The following STOX2 variants were observed in gnomAD, a reference collection of about 807,000 sequenced individuals.
STOX2 encodes the protein storkhead box 2.
STOX2 carries 28 observed loss-of-function variants against 60.9 expected under a neutral mutation model. The observed-to-expected ratio is 0.46, with a 90% CI of 0.34 to 0.63. The LOEUF is 0.63. Among genes scored for constraint, STOX2 ranks in the 30% least tolerant of loss-of-function variants. STOX2 has a pLI of 0.01. For missense variants in STOX2, 1,024 were observed against 1,187.7 expected, an observed-to-expected ratio of 0.86 and a Z score of 2.03; for synonymous variants, 472 against 463.9, an observed-to-expected ratio of 1.02 and a Z score of -0.22.
At position 183,972,130 on chromosome 4, in the gene STOX2, C is replaced by T. The variant is rs139684566; in HGVS notation, c.167-29195C>T. 9.2e-5 allele frequency among the ~76,000 whole-genome samples: 14 copies of T among 152,310 alleles called. No individual in the cohort carries two copies. The East Asian group carries it at 2.7e-3, about 29-fold the overall frequency. On this transcript the variant is annotated intron_variant, in intron 1 of 3. Transcript: ENST00000308497. ...ACCCATAGCCAGTCCTGCACAGCGG[C>T]GTAGGGCTGGGCAGACATCCAAAAC...
chr4:183,843,882 AC>A (rs1739926543), intron 1 of STOX2, among the ~76,000 whole-genome samples: 2 of 152,048 alleles, frequency 1.3e-5, no homozygotes, highest in African/African-American at 4.8e-5. Flanking sequence ...TAGTTGACCC[AC>A]AGTTCTGTAC....
chr4:183,917,586 C>T lies in STOX2; in HGVS notation c.166+10630C>T, dbSNP rs532742976. 2.8e-4 allele frequency among the ~76,000 whole-genome samples: 43 copies of T among 152,342 alleles called. No individual in the cohort carries two copies. In the South Asian group the frequency reaches 8.5e-3, roughly 30 times the overall value. On this transcript the variant is annotated intron_variant, in intron 1 of 3. Transcript: ENST00000308497. Reference sequence around the variant, plus strand: ...GAAGTATTTGGACATATTTTCCCCACACTTGCAAACTGGCTGTTTATAATG... The same window carrying T: ...GAAGTATTTGGACATATTTTCCCCATACTTGCAAACTGGCTGTTTATAATG...
Position 183,906,903 on chromosome 4 carries a change from A to C in STOX2, c.113A>C (p.Lys38Thr), listed in dbSNP as rs1393808914. Residue 38 changes from lysine (K) to threonine (T), a missense_variant, in exon 1 of 4, where the codon AAG becomes ACG. Lys to Thr is a moderately conservative substitution (Grantham distance 78). Transcript: ENST00000308497. ...SRSEKDYRLHKRFPAAFAPQA... is the reference protein window; with the variant it reads ...SRSEKDYRLHTRFPAAFAPQA... Reference sequence around the variant, plus strand: ...AGCGAGAAGGACTACCGCCTGCACAAGCGTTTCCCCGCGGCCTTCGCGCCC... The same window carrying C: ...AGCGAGAAGGACTACCGCCTGCACACGCGTTTCCCCGCGGCCTTCGCGCCC... 1 of 1,550,276 alleles carries C rather than the reference A, an allele frequency of 6.5e-7. No individual in the cohort carries two copies. The highest frequency in any genetic ancestry group is 8.7e-7 in the Non-Finnish European group (1 of 1,146,178).
intron 1 of STOX2, among the ~76,000 whole-genome samples, chr4:183,872,971 T>C (rs1332220788): frequency 6.6e-6 from 1 of 152,204 alleles, no homozygotes; most frequent in Non-Finnish European, 1.5e-5. Context: ...GAAAGTCACG[T>C]TCTGAAACTT....
upstream of STOX2, among the ~76,000 whole-genome samples, chr4:183,903,481 T>C (rs148675613): frequency 3.6e-4 from 55 of 152,328 alleles, 1 homozygote; most frequent in East Asian, 9.8e-3. Flanking sequence ...TTTATTTGCC[T>C]ACTGTTTCTC....
At position 183,969,776 on chromosome 4, in the gene STOX2, C is replaced by T. The variant is rs145460565; in HGVS notation, c.167-31549C>T. Among the ~76,000 whole-genome samples, 658 of 152,250 alleles carry T rather than the reference C, an allele frequency of 4.3e-3. 3 individuals are homozygous for T. The highest frequency in any genetic ancestry group is 0.015 in the African/African-American group (623 of 41,538). ...CTGGGGCTCCAGGCACGCACCACCA[C>T]GCCTGGCTAATTTTTGAAAGTTTTC... On this transcript the variant is annotated intron_variant, in intron 1 of 3. Coordinates refer to ENST00000308497, the MANE Select transcript of STOX2 (RefSeq NM_020225.3).
rs1034227390 is a variant in STOX2, at chr4:183,825,551, G to T, written c.364+27496G>T. Reference sequence around the variant, plus strand: ...GTGCAGGCAGCCACCCTCGCTGTAGGTGTGTGTGTCCGTGCCTCTGTCCTG... The same window carrying T: ...GTGCAGGCAGCCACCCTCGCTGTAGTTGTGTGTGTCCGTGCCTCTGTCCTG... On this transcript the variant is annotated intron_variant, in intron 1 of 2. Coordinates refer to the STOX2 transcript ENST00000513034. The surrounding 1 kb of genome is among the most constrained non-coding windows in gnomAD (Gnocchi z 4.1). Among the ~76,000 whole-genome samples, 2 of 152,192 alleles carry T rather than the reference G, an allele frequency of 1.3e-5. No individual in the cohort carries two copies. The highest frequency in any genetic ancestry group is 2.9e-5 in the Non-Finnish European group (2 of 68,034).
At chr4:183,962,324 G>A (rs1043855174) in intron 1 of STOX2, among the ~76,000 whole-genome samples, 1 of 150,968 alleles carries the variant, frequency 6.6e-6, no homozygotes, top group Non-Finnish European at 1.5e-5. Flanking sequence ...TATAGTAATC[G>A]TTTTTCTTAA....
At chr4:183,980,885 A>G (rs527362295) in intron 1 of STOX2, among the ~76,000 whole-genome samples, 5 of 152,240 alleles carry the variant, frequency 3.3e-5, no homozygotes, top group Admixed American at 6.5e-5. Flanking sequence ...AAGGAATGCA[A>G]CCCACAGAGA....
In STOX2 at chr4:184,020,073, T is replaced by C. The variant is rs756904751; in HGVS notation, c.*2789T>C. The C allele has an allele frequency of 6.6e-6, 1 of 152,236 alleles. No homozygotes were observed. Among genetic ancestry groups the C allele is most frequent in the Non-Finnish European group, 1.5e-5 (1 of 68,034 alleles). 9.4% of individuals were successfully genotyped at this position (152,236 alleles called of 1,614,324 possible). On this transcript the variant is annotated 3_prime_UTR_variant, in exon 4 of 4. Transcript: ENST00000308497. ...ATTATTATGATACAACATATTACTTTATGGTAATTTTTATTTTTACATATA... is the reference window on the plus strand; with the variant it reads ...ATTATTATGATACAACATATTACTTCATGGTAATTTTTATTTTTACATATA...
Position 183,835,414 on chromosome 4 carries a change from C to T in STOX2, c.364+37359C>T, listed in dbSNP as rs1047379237. ...AATTTTTTTGTATTTTTAGTAGAGA[C>T]GGGGTTTCACCATGTTAGCCAGGAT... On this transcript the variant is annotated intron_variant, in intron 1 of 2. Coordinates refer to the STOX2 transcript ENST00000513034. Among the ~76,000 whole-genome samples, 8 of 151,826 alleles carry T rather than the reference C, an allele frequency of 5.3e-5. 1 individual carries two copies. Among genetic ancestry groups the T allele is most frequent in the Admixed American group, 1.3e-4 (2 of 15,236 alleles).
Position 183,917,187 on chromosome 4 carries a change from A to G in STOX2, c.166+10231A>G, listed in dbSNP as rs1741956239. 2.6e-5 allele frequency among the ~76,000 whole-genome samples: 4 copies of G among 152,172 alleles called. 1 individual carries two copies. The highest frequency in any genetic ancestry group is 2.9e-5 in the Non-Finnish European group (2 of 68,036). On this transcript the variant is annotated intron_variant, in intron 1 of 3. Coordinates refer to ENST00000308497, the MANE Select transcript of STOX2 (RefSeq NM_020225.3). ...TCCCAGTGGCTTCAGTGGACTCTGT[A>G]TTTCACATCTTTCTCTAACCATATG...
chr4:183,958,733 C>A (rs1420017211), intron 1 of STOX2, among the ~76,000 whole-genome samples: 1 of 152,156 alleles, frequency 6.6e-6, no homozygotes, highest in Non-Finnish European at 1.5e-5. Context: ...CTTTAACACC[C>A]CAAGTAGCTC....
At chr4:183,953,192 A>T (rs185214218) in intron 1 of STOX2, among the ~76,000 whole-genome samples, 379 of 151,810 alleles carry the variant, frequency 2.5e-3, no homozygotes, top group Admixed American at 8.0e-3. Context: ...TATAATTTTA[A>T]AAAAAAAAGT....
chr4:183,956,386 ATCT>A (rs747320616), intron 1 of STOX2, among the ~76,000 whole-genome samples: 1 of 148,502 alleles, frequency 6.7e-6, no homozygotes, highest in Non-Finnish European at 1.5e-5. Context: ...CTATCTATCT[ATCT>A]ATCTATCTAT....
At chr4:183,852,548 G>GGAAAGGATGAGA (rs1560846523) in intron 1 of STOX2, among the ~76,000 whole-genome samples, 1,442 of 70,078 alleles carry the variant, frequency 0.021, 197 homozygotes, top group African/African-American at 0.065. Context: ...AAAGGATGAG[G>GGAAAGGATGAGA]GAAAGGATGA....
chr4:183,841,161 G>A (rs994041466), intron 1 of STOX2, among the ~76,000 whole-genome samples: 101 of 151,876 alleles, frequency 6.7e-4, no homozygotes, highest in African/African-American at 2.3e-3. Flanking sequence ...CACCACGCCC[G>A]GTTCAGTTTT....
chr4:183,913,149 A>G (rs1425370551), intron 1 of STOX2, among the ~76,000 whole-genome samples: 1 of 152,020 alleles, frequency 6.6e-6, no homozygotes, highest in Admixed American at 6.6e-5. Flanking sequence ...GGAGAAGGAG[A>G]AGGATTTGGG....
chr4:184,005,419 C>G lies in STOX2; in HGVS notation c.320-3739C>G, dbSNP rs575105962. ...GTTTCAGTGAGCCAAGATTGTGCCA[C>G]TGCACTCCAGCTTGGGTGACAGAGT... On this transcript the variant is annotated intron_variant, in intron 2 of 3. Transcript: ENST00000308497. 2.1e-5 allele frequency among the ~76,000 whole-genome samples: 3 copies of G among 141,404 alleles called. No individual in the cohort carries two copies. The Admixed American group carries it at 2.3e-4, about 11-fold the overall frequency. The allele number at this position is 141,404 out of a possible 152,430, so 92.8% of individuals were successfully genotyped here. A position where few individuals can be genotyped will look rare whatever the true frequency, so the allele number is the denominator to read the frequency against.
Sources: gnomAD v4.1 joint callset for allele counts (sites outside exome capture counted in the v4.1 genomes callset) on GRCh38, gnomAD v4.1.1 for gene constraint, Gnocchi (gnomAD v3.1) non-coding constraint, MANE v1.5 for transcripts, NCBI Gene and HGNC (gene_info 2026-07-23, HGNC 2026-07-21) for gene names.